The following GPM6B variants were observed in gnomAD, a reference collection of about 807,000 sequenced individuals.
GPM6B encodes glycoprotein M6B, also known as neuronal membrane glycoprotein M6-b.
In GPM6B, 4 loss-of-function variants were observed where a neutral mutation model predicts 27.2. The ratio of observed to expected loss-of-function variants is 0.15; its 90% CI spans 0.07 to 0.34. The LOEUF (loss-of-function observed/expected upper bound fraction) is 0.34, where lower values mean the gene tolerates loss of function less well. GPM6B is among the 10% of genes least tolerant of loss of function. GPM6B has a pLI of 1.00. For synonymous variants in GPM6B, 124 were observed against 103.1 expected (o/e 1.20, Z -1.23); for missense variants, 183 against 261.9 (o/e 0.70, Z 2.08).
At chrX:13,880,965 A>G (rs1242689326) in intron 1 of GPM6B, among the ~76,000 whole-genome samples, 1 of 111,137 alleles carries the variant, frequency 9.0e-6, no homozygotes, top group East Asian at 2.8e-4. Flanking sequence ...CAAGTCATGC[A>G]TGTCTTGGCT....
In GPM6B at chrX:13,799,190, A is replaced by ATTTTT. The variant is rs763194245; in HGVS notation, c.181+8455_181+8459dup. On this transcript the variant is annotated intron_variant, in intron 2 of 7. Transcript: ENST00000316715. ...CTAGAAACCTCGATTAGCCAACCTA[A>ATTTTT]TTTTTTTTTTTTTTTTTTTTTTTTT... 4.9e-3 allele frequency among the ~76,000 whole-genome samples: 175 copies of ATTTTT among 35,973 alleles called. 28 individuals are homozygous for ATTTTT. Among genetic ancestry groups the ATTTTT allele is most frequent in the Non-Finnish European group, 6.8e-3 (145 of 21,478 alleles). 31.2% of individuals were successfully genotyped at this position (35,973 alleles called of 115,157 possible).
intron 1 of GPM6B, among the ~76,000 whole-genome samples, chrX:13,841,563 G>T (rs1443177975): frequency 9.0e-6 from 1 of 111,710 alleles, no homozygotes; most frequent in Non-Finnish European, 1.9e-5. Flanking sequence ...ATATACATGT[G>T]TGGGGGCGGT....
chrX:13,931,993 G>C (rs1411560180), intron 1 of GPM6B, among the ~76,000 whole-genome samples: 2 of 111,981 alleles, frequency 1.8e-5, no homozygotes, highest in Non-Finnish European at 3.8e-5. Flanking sequence ...CTTTTATCTG[G>C]AATTTTATAG....
intron 1 of GPM6B, among the ~76,000 whole-genome samples, chrX:13,816,183 G>T: frequency 9.0e-6 from 1 of 111,454 alleles, no homozygotes; most frequent in South Asian, 3.8e-4. Context: ...ATTGTGGTAC[G>T]TTCTAAGATT....
chrX:13,839,947 G>T (rs1232068972), intron 1 of GPM6B, among the ~76,000 whole-genome samples: 1 of 111,561 alleles, frequency 9.0e-6, no homozygotes, highest in Non-Finnish European at 1.9e-5. Flanking sequence ...AAGCTATGCA[G>T]ATCAAGGCAG....
intron 2 of GPM6B, among the ~76,000 whole-genome samples, chrX:13,800,139 G>A (rs1191909396): frequency 8.9e-6 from 1 of 111,745 alleles, no homozygotes; most frequent in Non-Finnish European, 1.9e-5. Flanking sequence ...ATCTGATGAA[G>A]TCATCTGCTA....
chrX:13,930,355 C>T (rs1030132155), intron 1 of GPM6B, among the ~76,000 whole-genome samples: 3 of 111,597 alleles, frequency 2.7e-5, no homozygotes, highest in Admixed American at 1.9e-4. Flanking sequence ...TGGCTCACAC[C>T]TATAATCCCA....
chrX:13,803,283 C>A (rs1189824685), intron 2 of GPM6B, among the ~76,000 whole-genome samples: 1 of 110,447 alleles, frequency 9.1e-6, no homozygotes, highest in Non-Finnish European at 1.9e-5. Flanking sequence ...AGTGCTGGGC[C>A]CTCCGTCAGT....
chrX:13,799,922 A>G (rs754379171), intron 2 of GPM6B, among the ~76,000 whole-genome samples: 2 of 111,753 alleles, frequency 1.8e-5, no homozygotes, highest in Non-Finnish European at 3.8e-5. Flanking sequence ...ACCACCCCCA[A>G]TGATCCCCAC....
At chrX:13,921,939 G>T (rs990565983) in intron 1 of GPM6B, among the ~76,000 whole-genome samples, 9 of 111,504 alleles carry the variant, frequency 8.1e-5, no homozygotes, top group East Asian at 5.6e-4. Context: ...CTAGGGAAGG[G>T]GTAGTACCTT....
At chrX:13,825,899 A>G (rs2049366631) in intron 1 of GPM6B, among the ~76,000 whole-genome samples, 1 of 111,630 alleles carries the variant, frequency 9.0e-6, no homozygotes, top group African/African-American at 3.3e-5. Context: ...ACAGGAGAGG[A>G]AGAGGGCCAG....
intron 1 of GPM6B, among the ~76,000 whole-genome samples, chrX:13,879,830 A>C (rs2050075941): frequency 8.9e-6 from 1 of 111,970 alleles, no homozygotes; most frequent in African/African-American, 3.2e-5. Flanking sequence ...TTCAGAGTTC[A>C]GTATGTCTCC....
intron 1 of GPM6B, among the ~76,000 whole-genome samples, chrX:13,927,468 G>A (rs1053954385): frequency 8.9e-6 from 1 of 112,665 alleles, no homozygotes; most frequent in African/African-American, 3.2e-5. Flanking sequence ...CCAAACAAAC[G>A]AGAAGAAAAG....
At chrX:13,913,486 C>T (rs1487313147) in intron 1 of GPM6B, among the ~76,000 whole-genome samples, 2 of 111,217 alleles carry the variant, frequency 1.8e-5, no homozygotes, top group Non-Finnish European at 3.8e-5. Flanking sequence ...CTGCACCTGA[C>T]CTTGAGGTAG....
chrX:13,829,081 G>C (rs1466029370), intron 1 of GPM6B, among the ~76,000 whole-genome samples: 1 of 111,520 alleles, frequency 9.0e-6, no homozygotes, highest in Non-Finnish European at 1.9e-5. Flanking sequence ...AGAGATTCCA[G>C]GTCACCACCA....
chrX:13,809,369 C>T (rs1385148800), intron 1 of GPM6B, among the ~76,000 whole-genome samples: 1 of 112,212 alleles, frequency 8.9e-6, no homozygotes. Context: ...TTCTGAGGTG[C>T]ATTTGCAGTT....
chrX:13,913,119 T>C (rs1024977646), intron 1 of GPM6B, among the ~76,000 whole-genome samples: 6 of 111,920 alleles, frequency 5.4e-5, no homozygotes, highest in African/African-American at 1.6e-4. Context: ...AAGACAATTA[T>C]AGCACGTCCC....
At chrX:13,794,504 A>T (rs942039134) in intron 2 of GPM6B, among the ~76,000 whole-genome samples, 12 of 111,551 alleles carry the variant, frequency 1.1e-4, no homozygotes, top group Non-Finnish European at 2.1e-4. Flanking sequence ...GGCAGACCTC[A>T]AGATCCTTGC....
intron 1 of GPM6B, among the ~76,000 whole-genome samples, chrX:13,854,699 G>C (rs1170539398): frequency 8.9e-6 from 1 of 111,829 alleles, no homozygotes; most frequent in Non-Finnish European, 1.9e-5. Flanking sequence ...TTTGAGATGA[G>C]GGATATGCTA....
Sources: allele counts gnomAD v4.1 joint callset (sites outside exome capture counted in the v4.1 genomes callset), GRCh38; gene constraint gnomAD v4.1.1; transcripts MANE v1.5; gene names NCBI Gene and HGNC (gene_info 2026-07-23, HGNC 2026-07-21).